The following CNTN6 variants were observed in gnomAD, a reference collection of about 807,000 sequenced individuals.
The protein encoded by CNTN6 is contactin 6.
CNTN6 carries 137 observed loss-of-function variants against 122.8 expected under a neutral mutation model. The observed-to-expected ratio is 1.12, with a 90% confidence interval of 0.97 to 1.29. The LOEUF is 1.29. Among genes scored for constraint, CNTN6 ranks in the 50% most tolerant of loss-of-function variants. The pLI is 0.00. For missense variants in CNTN6, 1,634 were observed against 1,223.4 expected (o/e 1.34, Z -5.01); for synonymous variants, 570 against 426.0 (o/e 1.34, Z -4.16).
chr3:1,226,232 CA>C (rs2094281783), intron 3 of CNTN6, among the ~76,000 whole-genome samples: 1 of 152,020 alleles, frequency 6.6e-6, no homozygotes, highest in Non-Finnish European at 1.5e-5. Context: ...CCACTCCCAC[CA>C]AAATATTTTT....
At chr3:1,266,527 C>G (rs547135563) in intron 4 of CNTN6, among the ~76,000 whole-genome samples, 4 of 152,272 alleles carry the variant, frequency 2.6e-5, no homozygotes, top group Admixed American at 2.0e-4. Context: ...AGCATTAAGA[C>G]CTTTACCCAG....
At chr3:1,326,829 C>T (rs764655443) in intron 9 of CNTN6, among the ~76,000 whole-genome samples, 3 of 151,806 alleles carry the variant, frequency 2.0e-5, no homozygotes, top group Non-Finnish European at 4.4e-5. Context: ...TTCCTTTTCC[C>T]TAGAGGATGG....
intron 20 of CNTN6, among the ~76,000 whole-genome samples, chr3:1,387,334 C>G (rs1560001891): frequency 6.6e-6 from 1 of 151,620 alleles, no homozygotes; most frequent in Non-Finnish European, 1.5e-5. Context: ...CAATGAAGTT[C>G]TATTCCTTTT....
At chr3:1,131,046 T>A (rs1269094523) in intron 1 of CNTN6, among the ~76,000 whole-genome samples, 1 of 152,098 alleles carries the variant, frequency 6.6e-6, no homozygotes, top group Non-Finnish European at 1.5e-5. Context: ...TCCAGCGAAA[T>A]AACAGGCAGA....
chr3:1,385,775 C>A lies in CNTN6; in HGVS notation c.2682C>A (p.Val894=). 6.2e-7 allele frequency: 1 copy of A among 1,610,710 alleles called. No individual in the cohort carries two copies. The highest frequency in any genetic ancestry group is 1.1e-5 in the South Asian group (1 of 90,602). ...TAGTGPSSPP[V]NVTTKKSPPS... ...GGACAGGGCCCTCAAGCCCCCCAGT[C>A]AATGTTACCACCAAAAAGTCTCGTA... The change falls in exon 20 of 23, where the codon GTC becomes GTA. Residue 894 remains valine, a synonymous_variant. Coordinates refer to ENST00000446702, the MANE Select transcript of CNTN6 (RefSeq NM_001289080.2).
chr3:1,103,087 C>T (rs911879129), intron 1 of CNTN6, among the ~76,000 whole-genome samples: 3 of 152,110 alleles, frequency 2.0e-5, no homozygotes, highest in East Asian at 1.9e-4. Flanking sequence ...GCCTGGGCGA[C>T]AGAGCCAGAC....
chr3:1,258,631 C>G (rs9810276), intron 4 of CNTN6, among the ~76,000 whole-genome samples: 17,646 of 152,056 alleles, frequency 0.12, 1,062 homozygotes, highest in Middle Eastern at 0.15. Flanking sequence ...AGTGTCTGGG[C>G]ATCATGGCTG....
intron 13 of CNTN6, among the ~76,000 whole-genome samples, 169 bp from the exon 14 acceptor site, chr3:1,372,669 A>T (rs1337025057): frequency 6.6e-6 from 1 of 152,114 alleles, no homozygotes; most frequent in Non-Finnish European, 1.5e-5. Context: ...AGATGTAATT[A>T]TAATAAGGGG....
chr3:1,260,870 A>T (rs2094834820), intron 4 of CNTN6, among the ~76,000 whole-genome samples: 1 of 152,062 alleles, frequency 6.6e-6, no homozygotes, highest in African/African-American at 2.4e-5. Flanking sequence ...GACATGCTGA[A>T]CTGTGAGCCA....
chr3:1,197,220 C>T (rs1181894206), intron 2 of CNTN6, among the ~76,000 whole-genome samples: 1 of 152,192 alleles, frequency 6.6e-6, no homozygotes, highest in Non-Finnish European at 1.5e-5. Context: ...CATCATCTCT[C>T]ACCCATCTGC....
At chr3:1,375,586 A>G (rs955363783) in intron 16 of CNTN6, among the ~76,000 whole-genome samples, 1 of 152,134 alleles carries the variant, frequency 6.6e-6, no homozygotes, top group Admixed American at 6.6e-5. Context: ...ACACAGCTAA[A>G]CTATGCAAAG....
intron 7 of CNTN6, among the ~76,000 whole-genome samples, chr3:1,300,503 GAA>G (rs1266593170): frequency 1.6e-5 from 2 of 121,466 alleles, no homozygotes; most frequent in Admixed American, 8.2e-5. Flanking sequence ...AAAAAGAAAA[GAA>G]AGAGAAAGAA....
intron 8 of CNTN6, among the ~76,000 whole-genome samples, chr3:1,322,216 A>G (rs1171176389): frequency 6.6e-6 from 1 of 151,784 alleles, no homozygotes; most frequent in Non-Finnish European, 1.5e-5. Context: ...AATTGATAGG[A>G]AAAATATAAT....
intron 12 of CNTN6, among the ~76,000 whole-genome samples, chr3:1,360,832 C>A (rs1291923995): frequency 6.6e-6 from 1 of 152,102 alleles, no homozygotes; most frequent in African/African-American, 2.4e-5. Flanking sequence ...TCTTACTCCC[C>A]AAACTTGTTT....
chr3:1,148,249 C>T (rs933847353), intron 2 of CNTN6, among the ~76,000 whole-genome samples, 186 bp downstream of exon 2: 13 of 151,746 alleles, frequency 8.6e-5, no homozygotes, highest in African/African-American at 3.1e-4. Context: ...GTATCAAATG[C>T]CAGTTTTAAA....
intron 2 of CNTN6, among the ~76,000 whole-genome samples, chr3:1,149,773 T>C (rs1215694648): frequency 2.0e-5 from 3 of 152,174 alleles, no homozygotes; most frequent in Non-Finnish European, 4.4e-5. Context: ...ATTATATTCC[T>C]ACCCTTAAGT....
chr3:1,364,518 AAAAC>A lies in CNTN6; in HGVS notation c.1493-7770_1493-7767del, dbSNP rs541777265. Among the ~76,000 whole-genome samples the A allele has an allele frequency of 3.6e-3, 541 of 151,890 alleles. 2 individuals are homozygous for A. The highest frequency in any genetic ancestry group is 5.8e-3 in the Non-Finnish European group (391 of 67,784). On this transcript the variant is annotated intron_variant, in intron 12 of 22. Transcript: ENST00000446702. ...AACTGAGTTGAAGGAAAAAAAAAAC[AAAAC>A]AAACAAACAATATTTTCTGTATGGT... is the stretch of plus-strand genomic sequence containing the variant.
chr3:1,196,897 A>G (rs928775871), intron 2 of CNTN6, among the ~76,000 whole-genome samples: 1 of 152,318 alleles, frequency 6.6e-6, no homozygotes, highest in East Asian at 1.9e-4. Flanking sequence ...TGCCCAGCCT[A>G]GCGCAGGTTA....
intron 2 of CNTN6, among the ~76,000 whole-genome samples, chr3:1,195,699 G>C (rs1230487750): frequency 6.6e-6 from 1 of 152,130 alleles, no homozygotes; most frequent in African/African-American, 2.4e-5. Context: ...GAAACTGAGT[G>C]TCTCCAAACA....
Sources: allele counts gnomAD v4.1 joint callset (sites outside exome capture counted in the v4.1 genomes callset), GRCh38; gene constraint gnomAD v4.1.1; transcripts MANE v1.5; gene names NCBI Gene and HGNC (gene_info 2026-07-23, HGNC 2026-07-21).